JAM3: variants seen among roughly 807,000 people sequenced by gnomAD.
JAM3 encodes the protein junctional adhesion molecule 3.
In JAM3, 31 loss-of-function variants were observed where a neutral mutation model predicts 39.4. The observed-to-expected ratio is 0.79, with a 90% confidence interval of 0.59 to 1.06. The LOEUF is 1.06. Among genes scored for constraint, JAM3 ranks in the 50% least tolerant of loss-of-function variants. The pLI is 0.00. For missense variants in JAM3, 455 were observed against 391.4 expected (o/e 1.16, Z -1.37); for synonymous variants, 182 against 148.7 (o/e 1.22, Z -1.63).
At chr11:134,086,301 A>T (rs569701474) in intron 1 of JAM3, among the ~76,000 whole-genome samples, 1 of 152,292 alleles carries the variant, frequency 6.6e-6, no homozygotes, top group Admixed American at 6.5e-5. Flanking sequence ...ACCTTCTCTT[A>T]AAAAAGCTCC....
At chr11:134,070,094 A>T in intron 1 of JAM3, 1 of 454,786 alleles carries the variant, frequency 2.2e-6, no homozygotes, top group Admixed American at 2.4e-5. Context: ...TGTACTGTCT[A>T]CTAGGCACTT....
intron 1 of JAM3, among the ~76,000 whole-genome samples, chr11:134,080,545 G>A (rs2120591237): frequency 6.6e-6 from 1 of 152,218 alleles, no homozygotes; most frequent in Non-Finnish European, 1.5e-5. Flanking sequence ...TTAAAAAGGG[G>A]AGTTTTCCTG....
chr11:134,134,701 C>G (rs897035674), intron 1 of JAM3, among the ~76,000 whole-genome samples: 1 of 152,140 alleles, frequency 6.6e-6, no homozygotes, highest in African/African-American at 2.4e-5. Context: ...GAAATCATAA[C>G]CATCCTAATG....
intron 1 of JAM3, among the ~76,000 whole-genome samples, chr11:134,103,689 CAA>C (rs569203032): frequency 6.6e-6 from 1 of 150,704 alleles, no homozygotes; most frequent in Non-Finnish European, 1.5e-5. Flanking sequence ...AAGTGGAAAA[CAA>C]AAAAAAGGCA....
chr11:134,099,706 A>G lies in JAM3; in HGVS notation c.76+30547A>G, dbSNP rs115504516. On this transcript the variant is annotated intron_variant, in intron 1 of 8. Coordinates refer to ENST00000299106, the MANE Select transcript of JAM3 (RefSeq NM_032801.5). ...ACTGCAACCTCCACCTCTTGGTCTCAAGCAATTCTTCTGCCTCAGCCTCCT... is the reference window on the plus strand; with the variant it reads ...ACTGCAACCTCCACCTCTTGGTCTCGAGCAATTCTTCTGCCTCAGCCTCCT... Among the ~76,000 whole-genome samples the G allele has an allele frequency of 5.7e-3, 874 of 152,266 alleles. 11 individuals carry two copies. The highest frequency in any genetic ancestry group is 0.02 in the African/African-American group (833 of 41,560).
chr11:134,138,976 A>G (rs763282337), intron 1 of JAM3, among the ~76,000 whole-genome samples: 7 of 152,234 alleles, frequency 4.6e-5, no homozygotes, highest in Non-Finnish European at 1.0e-4. Flanking sequence ...AGCGGTTATC[A>G]TAAGCCAGGA....
chr11:134,073,488 A>G (rs1319597932), intron 1 of JAM3, among the ~76,000 whole-genome samples: 2 of 152,164 alleles, frequency 1.3e-5, no homozygotes, highest in Non-Finnish European at 2.9e-5. Context: ...TAGTCATGCT[A>G]TCTGCTATGT....
chr11:134,149,984 C>T lies in JAM3; in HGVS notation c.*803C>T, dbSNP rs1052318592. The T allele has an allele frequency of 4.4e-4, 73 of 167,368 alleles. No individual in the cohort carries two copies. Among genetic ancestry groups the T allele is most frequent in the Non-Finnish European group, 7.5e-4 (58 of 77,344 alleles). 10.4% of individuals were successfully genotyped at this position (167,368 alleles called of 1,614,324 possible). A position where few individuals can be genotyped will look rare whatever the true frequency, so the allele number is the denominator to read the frequency against. On this transcript the variant is annotated 3_prime_UTR_variant, in exon 9 of 9. Transcript: ENST00000299106. ...ATTGAAAAGAAAATTTCTATTTAAACTGTAAATATATTGTCATACAATGTT... is the reference window on the plus strand; with the variant it reads ...ATTGAAAAGAAAATTTCTATTTAAATTGTAAATATATTGTCATACAATGTT...
chr11:134,108,020 T>G (rs1942232357), intron 1 of JAM3, among the ~76,000 whole-genome samples: 1 of 152,026 alleles, frequency 6.6e-6, no homozygotes, highest in Non-Finnish European at 1.5e-5. Flanking sequence ...CAAAAGCTGT[T>G]TCTTTGAAAA....
intron 1 of JAM3, among the ~76,000 whole-genome samples, chr11:134,079,496 G>A (rs903246689): frequency 4.6e-5 from 7 of 152,080 alleles, no homozygotes; most frequent in Non-Finnish European, 1.0e-4. Context: ...TCTCTGGAAG[G>A]CTCCGTTGTT....
chr11:134,086,190 T>C (rs1416242834), intron 1 of JAM3, among the ~76,000 whole-genome samples: 1 of 152,196 alleles, frequency 6.6e-6, no homozygotes, highest in African/African-American at 2.4e-5. Context: ...TGTGCAAATA[T>C]AAAATGTTAT....
chr11:134,070,337 G>A, intron 1 of JAM3: 2 of 407,592 alleles, frequency 4.9e-6, no homozygotes, highest in Admixed American at 2.9e-5. Flanking sequence ...AATTGCCACT[G>A]TCATCCCATG....
Position 134,151,691 on chromosome 11 carries a change from T to G in JAM3, c.*2510T>G, listed in dbSNP as rs1262748600. On this transcript the variant is annotated 3_prime_UTR_variant, in exon 9 of 9. Transcript: ENST00000299106. ...GCTGTACACAGATGCTACAGACTTGTACTAACACACCGTAATTTGGCATTT... is the reference window on the plus strand; with the variant it reads ...GCTGTACACAGATGCTACAGACTTGGACTAACACACCGTAATTTGGCATTT... The G allele has an allele frequency of 6.6e-6, 1 of 152,252 alleles. No individual in the cohort carries two copies. The allele number at this position is 152,252 out of a possible 1,614,324, so 9.4% of individuals were successfully genotyped here. A position where few individuals can be genotyped will look rare whatever the true frequency, so the allele number is the denominator to read the frequency against.
chr11:134,139,074 A>G (rs1455477430), intron 1 of JAM3, among the ~76,000 whole-genome samples: 1 of 152,190 alleles, frequency 6.6e-6, no homozygotes, highest in African/African-American at 2.4e-5. Flanking sequence ...AAAGAATAAT[A>G]TTTTGTAGGT....
chr11:134,098,168 G>A (rs1317528475), intron 1 of JAM3, among the ~76,000 whole-genome samples: 1 of 152,154 alleles, frequency 6.6e-6, no homozygotes, highest in East Asian at 1.9e-4. Context: ...AGGGGAAGAA[G>A]AGCTAGCCAT....
rs369523133 is a variant in JAM3 at position 134,098,089 on chromosome 11, G to T, written c.76+28930G>T. On this transcript the variant is annotated intron_variant, in intron 1 of 8. Coordinates refer to ENST00000299106, the MANE Select transcript of JAM3 (RefSeq NM_032801.5). Reference sequence around the variant, plus strand: ...AATGTGGATCAGATCCATCTCCTGGGCCTAGTCAGTATTGATTGAGTGTAT... The same window carrying T: ...AATGTGGATCAGATCCATCTCCTGGTCCTAGTCAGTATTGATTGAGTGTAT... 4.6e-5 allele frequency among the ~76,000 whole-genome samples: 7 copies of T among 152,210 alleles called. 1 individual carries two copies. The East Asian group carries it at 1.4e-3, about 29-fold the overall frequency.
At position 134,144,258 on chromosome 11, in the gene JAM3, G is replaced by T; in HGVS notation, c.274G>T (p.Ala92Ser). The part of the protein sequence containing the change: ...NKIQGDLAGR[A>S]EILGKTSLKI... ...TTCTGTAGGAGACTTGGCGGGTCGT[G>T]CAGAAATACTGGGGAAGACATCCCT... is the stretch of plus-strand genomic sequence containing the variant. The change falls in exon 4 of 9, where the codon GCA becomes TCA. Residue 92 changes from alanine to serine, a missense_variant. By Grantham distance (99) the Ala-to-Ser change is moderately conservative. Coordinates refer to ENST00000299106, the MANE Select transcript of JAM3 (RefSeq NM_032801.5). 14 of 1,614,212 alleles carry T rather than the reference G, an allele frequency of 8.7e-6. No homozygotes were observed. The highest frequency in any genetic ancestry group is 1.2e-5 in the Non-Finnish European group (14 of 1,180,038).
Position 134,145,001 on chromosome 11 carries a change from T to A in JAM3, c.612+7T>A, listed in dbSNP as rs1943045346. The stretch of plus-strand genomic sequence containing the variant: ...CTCTGAAACAGGCACTTTGGTAAGA[T>A]CTCTTCTAAGAGGTGAGGATGGAGA... On this transcript the variant is annotated splice_region_variant and intron_variant, in intron 5 of 8. Coordinates refer to ENST00000299106, the MANE Select transcript of JAM3 (RefSeq NM_032801.5). The A allele has an allele frequency of 1.9e-6, 3 of 1,605,728 alleles. No homozygotes were observed. The highest frequency in any genetic ancestry group is 8.5e-7 in the Non-Finnish European group (1 of 1,172,424).
chr11:134,139,499 T>G, intron 1 of JAM3: 2 of 323,332 alleles, frequency 6.2e-6, no homozygotes, highest in Non-Finnish European at 1.2e-5. Context: ...GAGGGGAAGA[T>G]GGAGGGAGAA....
Sources: gnomAD v4.1 joint callset for allele counts (sites outside exome capture counted in the v4.1 genomes callset) on GRCh38, gnomAD v4.1.1 for gene constraint, MANE v1.5 for transcripts, NCBI Gene and HGNC (gene_info 2026-07-23, HGNC 2026-07-21) for gene names.